Variants in MAGI3 observed in about 807,000 individuals in gnomAD.
The protein encoded by MAGI3 is membrane associated guanylate kinase, WW and PDZ domain containing 3, also known as membrane-associated guanylate kinase, WW and PDZ domain-containing protein 3.
MAGI3 carries 43 observed loss-of-function variants against 121.8 expected under a neutral mutation model. The observed-to-expected ratio is 0.35, with a 90% confidence interval of 0.28 to 0.46. MAGI3 has a LOEUF of 0.46. Ranked by LOEUF, MAGI3 falls within the 20% of genes least tolerant of loss-of-function variation. MAGI3 has a pLI of 1.00. For synonymous variants in MAGI3, 553 were observed against 639.3 expected, an observed-to-expected ratio of 0.86 and a Z score of 2.04; for missense variants, 1,547 against 1,797.3, an observed-to-expected ratio of 0.86 and a Z score of 2.52.
At chr1:113,671,625 A>C in intron 16 of MAGI3, 109 bp from the exon 17 acceptor site, 1 of 942,204 alleles carries the variant, frequency 1.1e-6, no homozygotes, top group South Asian at 1.6e-5. Context: ...AAAGCCACTA[A>C]AGTCAGTACA....
rs1571001379 is a variant in MAGI3 at position 113,651,287 on chromosome 1, A to G, written c.2440+81A>G. The G allele has an allele frequency of 4.6e-6, 6 of 1,301,838 alleles. No homozygotes were observed. In the East Asian group the frequency reaches 1.2e-4, roughly 27 times the overall value. The allele number at this position is 1,301,838 out of a possible 1,614,324, so 80.6% of individuals were successfully genotyped here. A position where few individuals can be genotyped will look rare whatever the true frequency, so the allele number is the denominator to read the frequency against. ...TACTTCCTGTGTAGTTTTGCAGGTT[A>G]TTTTATTACATTCAGTAGTATCTAA... On this transcript the variant is annotated intron_variant, in intron 14 of 20. Transcript: ENST00000307546.
chr1:113,651,727 G>A (rs145089414), intron 14 of MAGI3, among the ~76,000 whole-genome samples: 37 of 152,312 alleles, frequency 2.4e-4, no homozygotes, highest in African/African-American at 7.9e-4. Context: ...TTGACCTCAA[G>A]TGATCCACCT....
intron 2 of MAGI3, among the ~76,000 whole-genome samples, chr1:113,569,156 C>A (rs962401628): frequency 6.6e-6 from 1 of 152,038 alleles, no homozygotes; most frequent in Non-Finnish European, 1.5e-5. Context: ...TTTTTATCAT[C>A]AAATAGCTAC....
chr1:113,465,887 T>C (rs947057309), intron 1 of MAGI3, among the ~76,000 whole-genome samples: 1 of 152,040 alleles, frequency 6.6e-6, no homozygotes, highest in East Asian at 1.9e-4. Context: ...TCTGTTCTAA[T>C]AGTTTTTTTG....
intron 19 of MAGI3, among the ~76,000 whole-genome samples, chr1:113,674,249 G>A (rs535160122): frequency 3.8e-4 from 58 of 152,094 alleles, no homozygotes; most frequent in South Asian, 3.1e-3. Flanking sequence ...AAAATTAGCC[G>A]GGCCTGGTGG....
At chr1:113,521,211 G>T (rs1438224907) in intron 1 of MAGI3, among the ~76,000 whole-genome samples, 1 of 149,256 alleles carries the variant, frequency 6.7e-6, no homozygotes, top group Non-Finnish European at 1.5e-5. Context: ...CTCAGCCTCT[G>T]AGTAGCTGGG....
At chr1:113,429,032 A>G (rs1570662700) in intron 1 of MAGI3, among the ~76,000 whole-genome samples, 1 of 152,170 alleles carries the variant, frequency 6.6e-6, no homozygotes, top group South Asian at 2.1e-4. Flanking sequence ...ATTCTATTCT[A>G]TTGTCAGTCT....
At chr1:113,530,353 G>A (rs1658649552) in intron 1 of MAGI3, among the ~76,000 whole-genome samples, 2 of 151,378 alleles carry the variant, frequency 1.3e-5, no homozygotes, top group African/African-American at 4.9e-5. Flanking sequence ...CTTAACGCAG[G>A]AACAGAAAAC....
At chr1:113,493,744 A>G (rs1656778435) in intron 1 of MAGI3, among the ~76,000 whole-genome samples, 1 of 152,224 alleles carries the variant, frequency 6.6e-6, no homozygotes, top group Non-Finnish European at 1.5e-5. Context: ...GCAGACATAC[A>G]TGCAATCAAC....
At chr1:113,503,962 C>T (rs1384218472) in intron 1 of MAGI3, among the ~76,000 whole-genome samples, 1 of 151,834 alleles carries the variant, frequency 6.6e-6, no homozygotes, top group African/African-American at 2.4e-5. Context: ...TCAAAGTGAC[C>T]TTTAGGATCT....
chr1:113,682,161 T>G (rs1648258126), intron 20 of MAGI3: 1 of 565,608 alleles, frequency 1.8e-6, no homozygotes, highest in Non-Finnish European at 2.2e-6. Context: ...ACTGCACTGA[T>G]TTTTTTTTTT....
intron 6 of MAGI3, among the ~76,000 whole-genome samples, chr1:113,606,221 G>T (rs1045659443): frequency 6.6e-6 from 1 of 151,414 alleles, no homozygotes; most frequent in Non-Finnish European, 1.5e-5. Context: ...CCCACCTCAG[G>T]CTCCCAAAGT....
At chr1:113,652,569 G>C (rs781440369) in intron 14 of MAGI3, among the ~76,000 whole-genome samples, 1 of 151,890 alleles carries the variant, frequency 6.6e-6, no homozygotes, top group Admixed American at 6.6e-5. Flanking sequence ...TACAACCTAC[G>C]CTCTTCCCTG....
chr1:113,627,849 T>C (rs907276825), intron 9 of MAGI3, among the ~76,000 whole-genome samples: 3 of 152,044 alleles, frequency 2.0e-5, no homozygotes, highest in Non-Finnish European at 4.4e-5. Flanking sequence ...GCTACTGTTT[T>C]TTGGTTTTCA....
At chr1:113,503,486 A>G (rs1193521325) in intron 1 of MAGI3, among the ~76,000 whole-genome samples, 3 of 151,918 alleles carry the variant, frequency 2.0e-5, no homozygotes, top group Non-Finnish European at 4.4e-5. Context: ...CCTAAAATGG[A>G]TCTTGAGTAA....
intron 9 of MAGI3, among the ~76,000 whole-genome samples, chr1:113,636,711 T>C (rs1333703381): frequency 6.6e-6 from 1 of 152,092 alleles, no homozygotes; most frequent in African/African-American, 2.4e-5. Context: ...TCTGTTGATT[T>C]GGGGTGGAGA....
intron 1 of MAGI3, chr1:113,450,244 C>T (rs1330164962): frequency 1.2e-6 from 2 of 1,601,220 alleles, no homozygotes; most frequent in Non-Finnish European, 1.7e-6. Context: ...CCTTTCTAAA[C>T]AAGAGATGCA....
At chr1:113,476,716 G>A (rs955052648) in intron 1 of MAGI3, among the ~76,000 whole-genome samples, 3 of 152,178 alleles carry the variant, frequency 2.0e-5, no homozygotes, top group South Asian at 2.1e-4. Flanking sequence ...GGGATGGAGA[G>A]TTCTGTAGAT....
At chr1:113,420,761 A>G (rs1652694199) in intron 1 of MAGI3, among the ~76,000 whole-genome samples, 1 of 152,210 alleles carries the variant, frequency 6.6e-6, no homozygotes, top group African/African-American at 2.4e-5. Context: ...ATATGAACCA[A>G]TTTCAGTAGT....
Sources: gnomAD v4.1 joint callset for allele counts (sites outside exome capture counted in the v4.1 genomes callset) on GRCh38, gnomAD v4.1.1 for gene constraint, MANE v1.5 for transcripts, NCBI Gene and HGNC (gene_info 2026-07-23, HGNC 2026-07-21) for gene names.